ZFR: variants seen among roughly 807,000 people sequenced by gnomAD.
The protein encoded by ZFR is zinc finger RNA binding protein, also known as zinc finger RNA-binding protein.
ZFR carries 19 observed loss-of-function variants against 130.7 expected under a neutral mutation model. That is an observed-to-expected ratio of 0.15 (90% CI 0.10 to 0.21). ZFR has a LOEUF of 0.21. Ranked by LOEUF, ZFR falls within the 10% of genes least tolerant of loss-of-function variation. The pLI is 1.00. For missense variants in ZFR, 872 were observed against 1,321.5 expected (o/e 0.66, Z 5.27); for synonymous variants, 466 against 456.9 (o/e 1.02, Z -0.25).
chr5:32,415,102 T>C lies in ZFR; in HGVS notation c.651A>G (p.Thr217=), dbSNP rs1157593552. The change falls in exon 5 of 20, where the codon ACA becomes ACG. Residue 217 remains threonine (T), a synonymous_variant. Transcript: ENST00000265069. ...AGAAAGTAGTGGTAGCTGGACTTGG[T>C]GTGGCTGGTTTTATGGCTGTCACTT... is the stretch of plus-strand genomic sequence containing the variant. ...TRQVTAIKPA[T]PSPATTTFSI... is the part of the protein sequence containing the mutation. 8.7e-6 allele frequency: 14 copies of C among 1,614,114 alleles called. No homozygotes were observed. Among genetic ancestry groups the C allele is most frequent in the Non-Finnish European group, 1.2e-5 (14 of 1,180,016 alleles).
At chr5:32,371,515 G>A (rs1424187377) in intron 17 of ZFR, among the ~76,000 whole-genome samples, 1 of 152,210 alleles carries the variant, frequency 6.6e-6, no homozygotes, top group Admixed American at 6.5e-5. Flanking sequence ...CCAGAGATGA[G>A]GGTGGGGATG....
chr5:32,392,023 C>T lies in ZFR; in HGVS notation c.1980-1586G>A, dbSNP rs537999314. 6.6e-5 allele frequency among the ~76,000 whole-genome samples: 10 copies of T among 152,228 alleles called. No individual in the cohort carries two copies. The East Asian group carries it at 9.6e-4, about 15-fold the overall frequency. On this transcript the variant is annotated intron_variant, in intron 11 of 19. Coordinates refer to ENST00000265069, the MANE Select transcript of ZFR (RefSeq NM_016107.5). Reference sequence around the variant, plus strand: ...GCTGGGATTACAGGCAGTGTGTCACCGTGCCCAGCCAGCAGTGCTTTTTAG... The same window carrying T: ...GCTGGGATTACAGGCAGTGTGTCACTGTGCCCAGCCAGCAGTGCTTTTTAG...
intron 2 of ZFR, among the ~76,000 whole-genome samples, chr5:32,423,752 A>C (rs148728170): frequency 6.6e-6 from 1 of 152,186 alleles, no homozygotes; most frequent in Non-Finnish European, 1.5e-5. Flanking sequence ...ACCTAGAGAC[A>C]TAGCATTTTA....
At chr5:32,393,104 A>T (rs1753219091) in intron 11 of ZFR, among the ~76,000 whole-genome samples, 1 of 152,220 alleles carries the variant, frequency 6.6e-6, no homozygotes, top group Non-Finnish European at 1.5e-5. Flanking sequence ...CCACATATGA[A>T]CACAAAAGCA....
rs1469523662 is a variant in ZFR, at chr5:32,355,258, ACT to A, written c.*500_*501del. 2 of 152,214 alleles carry A rather than the reference ACT, an allele frequency of 1.3e-5. No homozygotes were observed. Among genetic ancestry groups the A allele is most frequent in the African/African-American group, 2.4e-5 (1 of 41,446 alleles). 9.4% of individuals were successfully genotyped at this position (152,214 alleles called of 1,614,324 possible). A position where few individuals can be genotyped will look rare whatever the true frequency, so the allele number is the denominator to read the frequency against. ...TAATCCTTCACATATAGAAAAACAA[ACT>A]CTGCAGTCTCACGTTACAAAAAAAC... is the stretch of plus-strand genomic sequence containing the variant. On this transcript the variant is annotated 3_prime_UTR_variant, in exon 20 of 20. Transcript: ENST00000265069.
At chr5:32,388,260 T>C (rs1033997835) in intron 13 of ZFR, among the ~76,000 whole-genome samples, 1 of 152,186 alleles carries the variant, frequency 6.6e-6, no homozygotes, top group African/African-American at 2.4e-5. Context: ...ATGAGTACAA[T>C]TACGAGGTTA....
chr5:32,423,387 TCAC>T (rs1561916109), intron 2 of ZFR, among the ~76,000 whole-genome samples: 2 of 151,784 alleles, frequency 1.3e-5, no homozygotes, highest in Non-Finnish European at 2.9e-5. Flanking sequence ...ACAACACAAA[TCAC>T]CACATGTCTG....
intron 10 of ZFR, among the ~76,000 whole-genome samples, 171 bp downstream of exon 10, chr5:32,397,048 T>A (rs1753330166): frequency 6.6e-6 from 1 of 152,200 alleles, no homozygotes; most frequent in Non-Finnish European, 1.5e-5. Context: ...AATGGATAAA[T>A]AAAAACCAAA....
At chr5:32,408,250 T>C (rs573126617) in intron 5 of ZFR, among the ~76,000 whole-genome samples, 4 of 150,588 alleles carry the variant, frequency 2.7e-5, no homozygotes, top group East Asian at 1.9e-4. Flanking sequence ...ACTTACCTTA[T>C]AGATCTGTTC....
At chr5:32,410,006 A>T (rs1225339331) in intron 5 of ZFR, among the ~76,000 whole-genome samples, 2 of 152,096 alleles carry the variant, frequency 1.3e-5, no homozygotes, top group African/African-American at 4.8e-5. Context: ...TGTGTCTATA[A>T]ATTAAGTAAA....
intron 5 of ZFR, among the ~76,000 whole-genome samples, chr5:32,407,497 G>A (rs1753602651): frequency 6.6e-6 from 1 of 151,564 alleles, no homozygotes; most frequent in Non-Finnish European, 1.5e-5. Flanking sequence ...TAAAAGAAGA[G>A]GAAAACATAC....
chr5:32,388,857 TATGCATGC>T (rs751661355), intron 12 of ZFR, among the ~76,000 whole-genome samples, 183 bp from the exon 13 acceptor site: 4 of 152,114 alleles, frequency 2.6e-5, no homozygotes, highest in Admixed American at 6.5e-5. Flanking sequence ...TATATGTATG[TATGCATGC>T]ATGCATGCAT....
At chr5:32,419,692 C>T (rs368663597) in intron 3 of ZFR, 129 bp downstream of exon 3, 44 of 1,442,678 alleles carry the variant, frequency 3.0e-5, no homozygotes, top group East Asian at 2.5e-4. Flanking sequence ...TACTCATTTA[C>T]TTTTCTCTAT....
intron 16 of ZFR, 109 bp downstream of exon 16, chr5:32,379,966 A>G (rs959971941): frequency 3.9e-6 from 3 of 775,458 alleles, no homozygotes; most frequent in Non-Finnish European, 6.1e-6. Context: ...TTAATTTAAA[A>G]TAGTATTGCT....
intron 15 of ZFR, among the ~76,000 whole-genome samples, chr5:32,384,414 C>T (rs116312183): frequency 0.012 from 1,896 of 152,258 alleles, 32 homozygotes; most frequent in African/African-American, 0.043. Flanking sequence ...TTAGACATAG[C>T]TCCCAATGAC....
rs371409502 is a variant in ZFR, at chr5:32,431,068, C to T, written c.138-10965G>A. The stretch of plus-strand genomic sequence containing the variant: ...CCAGCCTGGGCAACACAGTGAGACC[C>T]TGTCTCAAAAAACGAAAGCAAGAGG... On this transcript the variant is annotated intron_variant, in intron 2 of 19. Transcript: ENST00000265069. Among the ~76,000 whole-genome samples, 176 of 152,296 alleles carry T rather than the reference C, an allele frequency of 1.2e-3. 3 individuals carry two copies. In the Middle Eastern group the frequency reaches 0.014, roughly 12 times the overall value.
chr5:32,406,668 G>A, intron 6 of ZFR, 106 bp downstream of exon 6: 2 of 1,422,232 alleles, frequency 1.4e-6, no homozygotes, highest in Non-Finnish European at 1.8e-6. Flanking sequence ...CTGGCTAAAA[G>A]CTAACAGGAA....
Position 32,400,095 on chromosome 5 carries a change from T to C in ZFR, c.1625A>G (p.Gln542Arg), listed in dbSNP as rs779611647. 6.2e-7 allele frequency: 1 copy of C among 1,613,772 alleles called. No homozygotes were observed. Among genetic ancestry groups the C allele is most frequent in the Non-Finnish European group, 8.5e-7 (1 of 1,179,738 alleles). Reference sequence around the variant, plus strand: ...TGTGACTGGTTCTGACACTGTGTCTTGCTTTACTTCAGGAATCTGCACAGC... The same window carrying C: ...TGTGACTGGTTCTGACACTGTGTCTCGCTTTACTTCAGGAATCTGCACAGC... ...TSAVQIPEVK[Q>R]DTVSEPVTPA... Residue 542 changes from glutamine (Q) to arginine (R), a missense_variant, in exon 9 of 20, where the codon CAA becomes CGA. By Grantham distance (43) the Gln-to-Arg change is conservative (BLOSUM62 1). Around this residue, in one of 7 missense-constraint regions of ZFR, gnomAD observed 54 missense variants for 119.9 expected, o/e 0.45. Transcript: ENST00000265069.
chr5:32,375,726 C>T (rs12514938), intron 17 of ZFR, among the ~76,000 whole-genome samples: 61,237 of 151,772 alleles, frequency 0.4, 12,591 homozygotes, highest in East Asian at 0.56. Flanking sequence ...AAGCTGGTCT[C>T]CAACTCCGGG....
Sources: allele counts gnomAD v4.1 joint callset (sites outside exome capture counted in the v4.1 genomes callset), GRCh38; gene constraint gnomAD v4.1.1; regional missense constraint gnomAD v4.1.1; transcripts MANE v1.5; gene names NCBI Gene and HGNC (gene_info 2026-07-23, HGNC 2026-07-21).